The following EYS variants were observed in gnomAD, a reference collection of about 807,000 sequenced individuals.
EYS encodes protein eyes shut homolog.
In EYS, 250 loss-of-function variants were observed where a neutral mutation model predicts 282.1. The observed-to-expected ratio is 0.89, with a 90% CI of 0.80 to 0.98. The LOEUF (loss-of-function observed/expected upper bound fraction) is 0.98. Among genes scored for constraint, EYS ranks in the 50% least tolerant of loss-of-function variants. The pLI, the probability that EYS is intolerant of heterozygous loss-of-function variation, is 0.00. For missense variants in EYS, 4,016 were observed against 3,709.0 expected (o/e 1.08, Z -2.15); for synonymous variants, 1,355 against 1,282.9 (o/e 1.06, Z -1.20).
chr6:63,900,567 C>G (rs965224072), intron 35 of EYS, among the ~76,000 whole-genome samples: 1 of 152,172 alleles, frequency 6.6e-6, no homozygotes, highest in Non-Finnish European at 1.5e-5. Context: ...CCCCAGCTGA[C>G]AGAACCTGCA....
chr6:63,972,876 T>C (rs376800983), intron 35 of EYS, among the ~76,000 whole-genome samples: 2 of 152,166 alleles, frequency 1.3e-5, no homozygotes, highest in East Asian at 1.9e-4. Context: ...CTCATCCTTT[T>C]TTATGGGTAC....
chr6:65,458,887 T>C (rs1382543609), intron 5 of EYS, among the ~76,000 whole-genome samples: 1 of 152,072 alleles, frequency 6.6e-6, no homozygotes, highest in Non-Finnish European at 1.5e-5. Flanking sequence ...GCAGGTACTA[T>C]TGTAAGCCTA....
chr6:64,047,357 A>C (rs554154603), intron 33 of EYS, among the ~76,000 whole-genome samples: 16 of 152,240 alleles, frequency 1.1e-4, no homozygotes, highest in African/African-American at 3.9e-4. Context: ...AAACACAAAA[A>C]CTGATTATAT....
At chr6:63,906,671 T>A (rs1200048439) in intron 35 of EYS, among the ~76,000 whole-genome samples, 1 of 152,244 alleles carries the variant, frequency 6.6e-6, no homozygotes, top group Non-Finnish European at 1.5e-5. Context: ...ATTTTACTTA[T>A]ATTAGCTTTG....
intron 2 of EYS, among the ~76,000 whole-genome samples, chr6:65,607,947 T>C (rs1250717998): frequency 6.6e-6 from 1 of 152,052 alleles, no homozygotes; most frequent in Admixed American, 6.6e-5. Flanking sequence ...TCTAAAATTA[T>C]AATTTCATAT....
chr6:64,111,224 AT>A (rs770856446), intron 31 of EYS, among the ~76,000 whole-genome samples: 5 of 152,054 alleles, frequency 3.3e-5, no homozygotes, highest in Non-Finnish European at 7.4e-5. Flanking sequence ...GTTGTACCTC[AT>A]TGGCAGAGAC....
At chr6:65,007,421 C>T (rs1771713340) in intron 13 of EYS, among the ~76,000 whole-genome samples, 1 of 152,176 alleles carries the variant, frequency 6.6e-6, no homozygotes, top group Admixed American at 6.5e-5. Context: ...ACTATACCCT[C>T]TTCAAGGGGG....
At chr6:64,439,412 C>T (rs1774861122) in intron 26 of EYS, 60 bp from the exon 27 acceptor site, 1 of 1,140,232 alleles carries the variant, frequency 8.8e-7, no homozygotes, top group Non-Finnish European at 1.2e-6. Context: ...ACCTAGGTTT[C>T]ACATTATTAA....
chr6:65,395,893 C>T (rs1382716436), intron 7 of EYS, among the ~76,000 whole-genome samples: 1 of 152,104 alleles, frequency 6.6e-6, no homozygotes, highest in Non-Finnish European at 1.5e-5. Context: ...AACCAGTATT[C>T]TGTTTCTATG....
At chr6:63,966,214 G>A (rs566450712) in intron 35 of EYS, among the ~76,000 whole-genome samples, 1 of 152,306 alleles carries the variant, frequency 6.6e-6, no homozygotes, top group East Asian at 1.9e-4. Flanking sequence ...AACATTTGCA[G>A]CGACCTGGAT....
intron 22 of EYS, among the ~76,000 whole-genome samples, chr6:64,716,434 T>C (rs536441186): frequency 6.6e-6 from 1 of 152,310 alleles, no homozygotes; most frequent in African/African-American, 2.4e-5. Flanking sequence ...TGCCTTGTTA[T>C]CAACATTGGT....
intron 31 of EYS, among the ~76,000 whole-genome samples, chr6:64,087,296 G>T (rs1772188217): frequency 6.6e-6 from 1 of 152,128 alleles, no homozygotes; most frequent in South Asian, 2.1e-4. Context: ...GGAATACAGT[G>T]TTGAGCAAAT....
At chr6:65,337,235 A>G (rs73443160) in intron 10 of EYS, among the ~76,000 whole-genome samples, 10,658 of 151,498 alleles carry the variant, frequency 0.07, 835 homozygotes, top group African/African-American at 0.2. Context: ...TAGTTCTTTG[A>G]CATGAACAGA....
chr6:64,116,977 T>C (rs1773406512), intron 31 of EYS, among the ~76,000 whole-genome samples: 1 of 151,972 alleles, frequency 6.6e-6, no homozygotes, highest in Non-Finnish European at 1.5e-5. Flanking sequence ...TAGAATAAAA[T>C]TTAATACCTC....
intron 33 of EYS, among the ~76,000 whole-genome samples, chr6:64,042,688 G>A (rs554864165): frequency 2.0e-5 from 3 of 152,206 alleles, no homozygotes; most frequent in East Asian, 3.9e-4. Flanking sequence ...GTGGCTTTTC[G>A]CTTTTTCTTC....
intron 14 of EYS, among the ~76,000 whole-genome samples, chr6:64,954,995 C>A (rs1018111674): frequency 1.3e-5 from 2 of 152,118 alleles, no homozygotes; most frequent in East Asian, 3.9e-4. Flanking sequence ...ATGGTGAAAC[C>A]ATTTCTCTAC....
intron 1 of EYS, among the ~76,000 whole-genome samples, chr6:65,706,450 T>A (rs1769882650): frequency 6.6e-6 from 1 of 152,090 alleles, no homozygotes; most frequent in Admixed American, 6.6e-5. Flanking sequence ...ATAATAAGAC[T>A]GGTAGTGTAT....
At chr6:63,820,196 G>C (rs1771285783) in intron 36 of EYS, among the ~76,000 whole-genome samples, 2 of 152,160 alleles carry the variant, frequency 1.3e-5, no homozygotes, top group Admixed American at 1.3e-4. Context: ...GGTTTGTCCA[G>C]TTATTACTTT....
chr6:65,702,776 T>C (rs551593811), intron 1 of EYS, among the ~76,000 whole-genome samples: 1 of 152,054 alleles, frequency 6.6e-6, no homozygotes, highest in African/African-American at 2.4e-5. Context: ...TATGTGTGTG[T>C]GTGGGTGTTT....
Sources: gnomAD v4.1 joint callset for allele counts (sites outside exome capture counted in the v4.1 genomes callset) on GRCh38, gnomAD v4.1.1 for gene constraint, MANE v1.5 for transcripts, NCBI Gene and HGNC (gene_info 2026-07-23, HGNC 2026-07-21) for gene names.